The following B4GALNT4 variants were observed in gnomAD, a reference collection of about 807,000 sequenced individuals.
B4GALNT4 encodes the protein beta-1,4-N-acetyl-galactosaminyltransferase 4.
B4GALNT4 carries 77 observed loss-of-function variants against 110.0 expected under a neutral mutation model. The observed-to-expected ratio is 0.70, with a 90% CI of 0.58 to 0.85. B4GALNT4 has a LOEUF of 0.85. Ranked by LOEUF, B4GALNT4 falls within the 40% of genes least tolerant of loss-of-function variation. B4GALNT4 has a pLI of 0.00. For synonymous variants in B4GALNT4, 785 were observed against 655.5 expected, an observed-to-expected ratio of 1.20 and a Z score of -3.02; for missense variants, 1,575 against 1,506.0, an observed-to-expected ratio of 1.05 and a Z score of -0.76.
chr11:373,314 G>A lies in B4GALNT4; in HGVS notation c.636+23G>A, dbSNP rs372912129. ...AAGGTACCCCCACCCCAGCCCTGGT[G>A]TCGTCCCGGGCCTCCTGCAGCTCAG... On this transcript the variant is annotated intron_variant, in intron 6 of 19. Coordinates refer to ENST00000329962, the MANE Select transcript of B4GALNT4 (RefSeq NM_178537.5). The A allele has an allele frequency of 7.1e-5, 113 of 1,598,816 alleles. 1 individual carries two copies. Among genetic ancestry groups the A allele is most frequent in the Middle Eastern group, 3.3e-4 (2 of 5,974 alleles).
intron 6 of B4GALNT4, 22 bp from the exon 7 acceptor site, chr11:373,427 C>G (rs7395781): frequency 6.7e-6 from 9 of 1,345,642 alleles, no homozygotes; most frequent in Non-Finnish European, 8.2e-6. Context: ...CCCACCACCA[C>G]CCCTGCTCTA....
chr11:376,095 C>T lies in B4GALNT4; in HGVS notation c.1117C>T (p.Pro373Ser), dbSNP rs1278243803. Residue 373 changes from proline (P) to serine (S), a missense_variant, in exon 12 of 20, where the codon CCC (proline) becomes TCC (serine). By Grantham distance (74) the Pro-to-Ser change is moderately conservative. Transcript: ENST00000329962. Reference sequence around the variant, plus strand: ...CCAGGTGTACCTGTCCTTCGTTTATCCCAACGACTACACTCGCCTCACCCA... The same window carrying T: ...CCAGGTGTACCTGTCCTTCGTTTATTCCAACGACTACACTCGCCTCACCCA... The part of the protein sequence containing the change: ...LQFVYLSFVY[P>S]NDYTRLTHME... 6.3e-7 allele frequency: 1 copy of T among 1,585,956 alleles called. No homozygotes were observed. The highest frequency in any genetic ancestry group is 8.6e-7 in the Non-Finnish European group (1 of 1,156,866).
In B4GALNT4 at chr11:375,763, CT is replaced by C; in HGVS notation, c.980del (p.Phe327SerfsTer80). On this transcript the variant is annotated frameshift_variant, in exon 10 of 20. Coordinates refer to ENST00000329962, the MANE Select transcript of B4GALNT4 (RefSeq NM_178537.5). LOFTEE classifies it high-confidence loss of function. ...TGCTGCGGCCAGATCCCAGGGATAC[CT>C]TTTTCCTCAGTGAGAGGGGGCCCGC... is the stretch of plus-strand genomic sequence containing the variant. ...DMLRPDPRDT[F>X]FLTPRMESSS... 2 of 1,598,516 alleles carry C rather than the reference CT, an allele frequency of 1.3e-6. No individual in the cohort carries two copies.
At chr11:381,185 G>GC in intron 19 of B4GALNT4, 1 of 975,592 alleles carries the variant, frequency 1.0e-6, no homozygotes, top group Non-Finnish European at 1.2e-6. Flanking sequence ...AACCAGCTCT[G>GC]CCCCCGATCC....
At chr11:380,075 A>T in intron 16 of B4GALNT4, 55 bp from the exon 17 acceptor site, 1 of 1,595,514 alleles carries the variant, frequency 6.3e-7, no homozygotes, top group East Asian at 2.2e-5. Flanking sequence ...TCCCCGGGAG[A>T]TGGGTTTTCC....
chr11:374,697 AGGG>A (rs201437602), intron 8 of B4GALNT4, among the ~76,000 whole-genome samples: 66 of 1,576 alleles, frequency 0.042, 14 homozygotes, highest in African/African-American at 0.089. Flanking sequence ...GGAGGGAGGG[AGGG>A]GGAAGGGAGG....
At position 376,271 on chromosome 11, in the gene B4GALNT4, T is replaced by C. The variant is rs1281335722; in HGVS notation, c.1217T>C (p.Met406Thr). The C allele has an allele frequency of 6.2e-7, 1 of 1,609,724 alleles. No homozygotes were observed. The stretch of plus-strand genomic sequence containing the variant: ...CCCAGGTTTGGGTTCTATAAATACA[T>C]GAAGATGGACAAGGAGGAGGGGGAT... ...YLERFGFYKYMKMDKEEGDED... is the reference protein window; with the variant it reads ...YLERFGFYKYTKMDKEEGDED... Residue 406 changes from methionine to threonine, a missense_variant, in exon 13 of 20, where the codon ATG becomes ACG. Transcript: ENST00000329962.
At chr11:374,293 G>C (rs1245635246) in intron 8 of B4GALNT4, among the ~76,000 whole-genome samples, 5 of 152,032 alleles carry the variant, frequency 3.3e-5, no homozygotes, top group Non-Finnish European at 7.4e-5. Context: ...GAGCCTGGGG[G>C]AAGGATTTTT....
chr11:375,558 C>T, intron 9 of B4GALNT4, 31 bp downstream of exon 9: 3 of 1,607,024 alleles, frequency 1.9e-6, no homozygotes, highest in East Asian at 2.2e-5. Flanking sequence ...GGATGTGGGG[C>T]TCCTCGGGAT....
At position 376,720 on chromosome 11, in the gene B4GALNT4, G is replaced by T; in HGVS notation, c.1597G>T (p.Gly533Ter). ...PKVYVTRVRP[G>*]QRASPRAPAP... ...GGTGTACGTGACCAGGGTGCGGCCGGGACAGCGGGCATCCCCCCGGGCCCC... is the reference window on the plus strand; with the variant it reads ...GGTGTACGTGACCAGGGTGCGGCCGTGACAGCGGGCATCCCCCCGGGCCCC... The change falls in exon 14 of 20, where the codon GGA (glycine) becomes TGA (stop). Residue 533 changes from glycine to a stop codon, truncating the protein, a stop_gained. Transcript: ENST00000329962. LOFTEE classifies it high-confidence loss of function. The T allele has an allele frequency of 7.1e-7, 1 of 1,405,198 alleles. No homozygotes were observed. Among genetic ancestry groups the T allele is most frequent in the Admixed American group, 3.2e-5 (1 of 31,184 alleles). 87.0% of individuals were successfully genotyped at this position (1,405,198 alleles called of 1,614,324 possible).
chr11:379,302 G>C, intron 14 of B4GALNT4, 116 bp from the exon 15 acceptor site: 1 of 1,195,368 alleles, frequency 8.4e-7, no homozygotes, highest in Non-Finnish European at 1.1e-6. Context: ...GTGCCGCGGA[G>C]CCCGCAGCCT....
At position 376,455 on chromosome 11, in the gene B4GALNT4, C is replaced by G. The variant is rs768916027; in HGVS notation, c.1332C>G (p.Leu444=). The G allele has an allele frequency of 1.3e-6, 2 of 1,595,460 alleles. No homozygotes were observed. The highest frequency in any genetic ancestry group is 1.7e-5 in the Admixed American group (1 of 59,756). The change falls in exon 14 of 20, where the codon CTC becomes CTG. Residue 444 remains leucine, a synonymous_variant. Transcript: ENST00000329962. ...ACGACGAGGACGAGGGGGAGCTGCT[C>G]GACAGCCTGGAGCCCACCGAGGCGG... The part of the protein sequence containing the change: ...FLDDEDEGEL[L]DSLEPTEAAP...
chr11:380,881 C>T lies in B4GALNT4; in HGVS notation c.2926C>T (p.Arg976Trp), dbSNP rs1163396980. The T allele has an allele frequency of 1.9e-6, 3 of 1,613,788 alleles. No individual in the cohort carries two copies. Among genetic ancestry groups the T allele is most frequent in the Non-Finnish European group, 1.7e-6 (2 of 1,179,876 alleles). ...LFGIYKSDFD[R>W]VGGMNTEEFR... ...TGGGATCTACAAGTCGGACTTTGAC[C>T]GGGTTGGAGGAATGAACACGGAGGA... is the stretch of plus-strand genomic sequence containing the variant. Residue 976 changes from arginine to tryptophan, a missense_variant, in exon 19 of 20, where the codon CGG becomes TGG. Transcript: ENST00000329962.
rs769844806 is a variant in B4GALNT4, at chr11:372,747, G to T, written c.341G>T (p.Arg114Leu). 3.1e-6 allele frequency: 5 copies of T among 1,609,962 alleles called. No individual in the cohort carries two copies. Among genetic ancestry groups the T allele is most frequent in the African/African-American group, 1.3e-5 (1 of 74,616 alleles). ...LNFTHQTPPWREEYKGQVNLH... is the reference protein window; with the variant it reads ...LNFTHQTPPWLEEYKGQVNLH... Reference sequence around the variant, plus strand: ...TTCACCCATCAGACACCCCCATGGCGGGAGGAGGTGAGCTGGCTCGGCCTG... The same window carrying T: ...TTCACCCATCAGACACCCCCATGGCTGGAGGAGGTGAGCTGGCTCGGCCTG... The change falls in exon 3 of 20, where the codon CGG (arginine) becomes CTG (leucine). Residue 114 changes from arginine to leucine, a missense_variant. Coordinates refer to ENST00000329962, the MANE Select transcript of B4GALNT4 (RefSeq NM_178537.5).
chr11:380,544 C>T lies in B4GALNT4; in HGVS notation c.2869+99C>T, dbSNP rs1590344202. 13 of 1,472,414 alleles carry T rather than the reference C, an allele frequency of 8.8e-6. No homozygotes were observed. In the East Asian group the frequency reaches 2.7e-4, roughly 31 times the overall value. The allele number at this position is 1,472,414 out of a possible 1,614,324, so 91.2% of individuals were successfully genotyped here. A position where few individuals can be genotyped will look rare whatever the true frequency, so the allele number is the denominator to read the frequency against. ...GGCCTCTCTCAATTCCCAGGGGAGG[C>T]CTGGGAGTCCATCAGTGCTCCCCGT... On this transcript the variant is annotated intron_variant, in intron 18 of 19. Transcript: ENST00000329962.
chr11:372,793 C>T (rs751896684), intron 3 of B4GALNT4, 39 bp downstream of exon 3: 23 of 128,476 alleles, frequency 1.8e-4, no homozygotes, highest in East Asian at 3.2e-4. Flanking sequence ...GGAGGCAGGG[C>T]GGGGGCTGGG....
Position 376,580 on chromosome 11 carries a change from G to A in B4GALNT4, c.1457G>A (p.Gly486Glu), listed in dbSNP as rs1846759504. The change falls in exon 14 of 20, where the codon GGG becomes GAG. Residue 486 changes from glycine (G) to glutamate (E), a missense_variant. Physicochemically the swap from Gly to Glu is moderately conservative, Grantham distance 98. Coordinates refer to ENST00000329962, the MANE Select transcript of B4GALNT4 (RefSeq NM_178537.5). ...PPTPPRPRDG[G>E]TPRHSRALSW... ...ACCCCTCCCCGCCCCCGGGACGGGG[G>A]GACCCCCAGGCACTCCCGGGCCCTG... is the stretch of plus-strand genomic sequence containing the variant. 6 of 1,353,588 alleles carry A rather than the reference G, an allele frequency of 4.4e-6. No individual in the cohort carries two copies. In the African/African-American group the frequency reaches 6.2e-5, roughly 14 times the overall value. The allele number at this position is 1,353,588 out of a possible 1,614,324, so 83.8% of individuals were successfully genotyped here. A position where few individuals can be genotyped will look rare whatever the true frequency, so the allele number is the denominator to read the frequency against.
chr11:376,323 C>A lies in B4GALNT4; in HGVS notation c.1269C>A (p.Arg423=). 1 of 1,609,816 alleles carries A rather than the reference C, an allele frequency of 6.2e-7. No homozygotes were observed. Among genetic ancestry groups the A allele is most frequent in the Non-Finnish European group, 8.5e-7 (1 of 1,178,262 alleles). Residue 423 remains arginine, a synonymous_variant, in exon 13 of 20, where the codon CGC becomes CGA. Coordinates refer to ENST00000329962, the MANE Select transcript of B4GALNT4 (RefSeq NM_178537.5). The part of the protein sequence containing the change: ...GDEDEEDEVQ[R]RAFLFLNPDD... ...AGGATGAAGAAGACGAGGTGCAGCG[C>A]CGAGCCTTCCTCTTCCTCAACCCGG... is the stretch of plus-strand genomic sequence containing the variant.
chr11:376,071 C>T lies in B4GALNT4; in HGVS notation c.1096-3C>T, dbSNP rs372434503. ...CTGAGCCCTGCGCCCCCCCACCCCC[C>T]AGGTGTACCTGTCCTTCGTTTATCC... is the stretch of plus-strand genomic sequence containing the variant. On this transcript the variant is annotated splice_region_variant and splice_polypyrimidine_tract_variant and intron_variant, in intron 11 of 19. Coordinates refer to ENST00000329962, the MANE Select transcript of B4GALNT4 (RefSeq NM_178537.5). 26 of 1,608,166 alleles carry T rather than the reference C, an allele frequency of 1.6e-5. No individual in the cohort carries two copies. Among genetic ancestry groups the T allele is most frequent in the Non-Finnish European group, 1.9e-5 (22 of 1,176,466 alleles).
Sources: gnomAD v4.1 joint callset for allele counts (sites outside exome capture counted in the v4.1 genomes callset) on GRCh38, gnomAD v4.1.1 for gene constraint, MANE v1.5 for transcripts, NCBI Gene and HGNC (gene_info 2026-07-23, HGNC 2026-07-21) for gene names.